CREB5: variants seen among roughly 807,000 people sequenced by gnomAD.
CREB5 encodes cAMP responsive element binding protein 5, also known as cyclic AMP-responsive element-binding protein 5.
CREB5 carries 19 observed loss-of-function variants against 57.1 expected under a neutral mutation model. The observed-to-expected ratio is 0.33, with a 90% CI of 0.23 to 0.49. CREB5 has a LOEUF of 0.49. Ranked by LOEUF, CREB5 falls within the 20% of genes least tolerant of loss-of-function variation. CREB5 has a pLI of 0.99. For synonymous variants in CREB5, 238 were observed against 238.3 expected (o/e 1.00, Z 0.01); for missense variants, 579 against 671.6 (o/e 0.86, Z 1.52).
At chr7:28,481,725 T>C (rs1422510981) in intron 1 of CREB5, among the ~76,000 whole-genome samples, 1 of 152,180 alleles carries the variant, frequency 6.6e-6, no homozygotes, top group Non-Finnish European at 1.5e-5. Flanking sequence ...CCAGTAACGC[T>C]GGTAAGAACA....
intron 1 of CREB5, among the ~76,000 whole-genome samples, chr7:28,332,612 G>T (rs1033265164): frequency 4.6e-5 from 7 of 152,086 alleles, no homozygotes; most frequent in Non-Finnish European, 1.0e-4. Flanking sequence ...CTTCTCCTGG[G>T]CCAGTGGCAC....
chr7:28,469,345 G>A (rs1790718157), intron 1 of CREB5, among the ~76,000 whole-genome samples: 1 of 152,190 alleles, frequency 6.6e-6, no homozygotes, highest in South Asian at 2.1e-4. Context: ...GTGCCCTGGG[G>A]AACAACATAG....
intron 4 of CREB5, among the ~76,000 whole-genome samples, chr7:28,549,070 C>T (rs1228375233): frequency 1.3e-5 from 2 of 152,130 alleles, no homozygotes; most frequent in Non-Finnish European, 2.9e-5. Flanking sequence ...CATGTAGGTA[C>T]CTGTTGGGCT....
chr7:28,567,945 G>A (rs79927764), intron 4 of CREB5, among the ~76,000 whole-genome samples: 4,755 of 152,090 alleles, frequency 0.031, 103 homozygotes, highest in Middle Eastern at 0.054. Context: ...GGGTGGGAGG[G>A]GAACCTCACA....
At chr7:28,421,987 G>A (rs1039131060) in intron 1 of CREB5, among the ~76,000 whole-genome samples, 1 of 151,518 alleles carries the variant, frequency 6.6e-6, no homozygotes, top group Non-Finnish European at 1.5e-5. Flanking sequence ...AAGCCTTGTA[G>A]TTTATGTCAG....
At chr7:28,810,065 A>G (rs1412124731) in intron 9 of CREB5, among the ~76,000 whole-genome samples, 2 of 152,158 alleles carry the variant, frequency 1.3e-5, no homozygotes, top group Non-Finnish European at 2.9e-5. Context: ...TGAATGTCTT[A>G]ACTGGGGAGA....
intron 1 of CREB5, among the ~76,000 whole-genome samples, chr7:28,317,088 A>G (rs1397790314): frequency 6.6e-6 from 1 of 150,932 alleles, no homozygotes; most frequent in African/African-American, 2.4e-5. Context: ...CAGAAATACA[A>G]AAGGAGACCC....
At chr7:28,803,167 G>T (rs2128799570) in intron 7 of CREB5, among the ~76,000 whole-genome samples, 1 of 152,314 alleles carries the variant, frequency 6.6e-6, no homozygotes, top group South Asian at 2.1e-4. Context: ...CTGGCCAGTT[G>T]ATGTGGCCAT....
intron 1 of CREB5, among the ~76,000 whole-genome samples, chr7:28,420,762 C>T (rs42726): frequency 0.54 from 79,678 of 147,102 alleles, 23,166 homozygotes; most frequent in East Asian, 0.72. Context: ...GAGCTGAGAT[C>T]GCACCATTGC....
intron 7 of CREB5, among the ~76,000 whole-genome samples, chr7:28,788,226 A>G (rs973910985): frequency 2.0e-5 from 3 of 152,068 alleles, no homozygotes; most frequent in South Asian, 2.1e-4. Context: ...CCTACCCACT[A>G]GATGCCAGTA....
intron 1 of CREB5, among the ~76,000 whole-genome samples, chr7:28,456,088 T>C (rs1790082552): frequency 6.6e-6 from 1 of 152,156 alleles, no homozygotes; most frequent in African/African-American, 2.4e-5. Flanking sequence ...TTATAATCTT[T>C]TACAGTGAAA....
chr7:28,607,290 G>A (rs1713968400), intron 5 of CREB5, among the ~76,000 whole-genome samples: 2 of 152,162 alleles, frequency 1.3e-5, no homozygotes, highest in African/African-American at 4.8e-5. Flanking sequence ...CGAGAAATGT[G>A]TACAATGTGA....
upstream of CREB5, among the ~76,000 whole-genome samples, chr7:28,412,357 G>C (rs1375314759): frequency 1.3e-5 from 2 of 152,100 alleles, no homozygotes; most frequent in Non-Finnish European, 2.9e-5. Context: ...TGGACCTTTA[G>C]AGCAGCTGAA....
chr7:28,314,997 A>G (rs1785349204), intron 1 of CREB5, among the ~76,000 whole-genome samples: 1 of 152,206 alleles, frequency 6.6e-6, no homozygotes, highest in African/African-American at 2.4e-5. Context: ...CAAGACTGGT[A>G]TGCCTCAAAG....
rs539477125 is a variant in CREB5 at position 28,331,548 on chromosome 7, C to T, written c.-25+32107C>T. Among the ~76,000 whole-genome samples, 135 of 152,252 alleles carry T rather than the reference C, an allele frequency of 8.9e-4. 1 individual carries two copies. In the South Asian group the frequency reaches 0.026, roughly 30 times the overall value. ...TCTTGTATGGGGATGCCAGCATACT[C>T]TTCCCTCTGTCCTTGTTCTTTTACT... On this transcript the variant is annotated intron_variant, in intron 1 of 9. Transcript: ENST00000396299.
chr7:28,635,470 A>G (rs940561880), intron 5 of CREB5, among the ~76,000 whole-genome samples: 2 of 152,220 alleles, frequency 1.3e-5, no homozygotes, highest in African/African-American at 4.8e-5. Context: ...AGCACTTAAT[A>G]TGTGCTTAAA....
chr7:28,607,532 A>G (rs550483141), intron 5 of CREB5, among the ~76,000 whole-genome samples: 2 of 152,260 alleles, frequency 1.3e-5, no homozygotes, highest in East Asian at 3.9e-4. Context: ...GTGTTTCACC[A>G]TTTGCCTTAT....
intron 4 of CREB5, among the ~76,000 whole-genome samples, chr7:28,544,256 C>G (rs943001153): frequency 6.6e-6 from 1 of 152,056 alleles, no homozygotes; most frequent in Non-Finnish European, 1.5e-5. Context: ...GGCACATGGC[C>G]GGGGCTTTGT....
At chr7:28,506,580 C>T (rs1792487228) in intron 3 of CREB5, among the ~76,000 whole-genome samples, 1 of 152,164 alleles carries the variant, frequency 6.6e-6, no homozygotes, top group Non-Finnish European at 1.5e-5. Flanking sequence ...CTGTTAATTA[C>T]TCTGGGCCTC....
Sources: allele counts gnomAD v4.1 joint callset (sites outside exome capture counted in the v4.1 genomes callset), GRCh38; gene constraint gnomAD v4.1.1; transcripts MANE v1.5; gene names NCBI Gene and HGNC (gene_info 2026-07-23, HGNC 2026-07-21).